WDPCP: variants seen among roughly 807,000 people sequenced by gnomAD.
WDPCP encodes WD repeat-containing and planar cell polarity effector protein fritz homolog.
Under a neutral mutation model 93.1 loss-of-function variants are expected in WDPCP, and 71 were observed. That is an observed-to-expected ratio of 0.76 (90% CI 0.63 to 0.93). The LOEUF (loss-of-function observed/expected upper bound fraction) is 0.93. Among genes scored for constraint, WDPCP ranks in the 40% least tolerant of loss-of-function variants. The probability of loss-of-function intolerance (pLI) is 0.00; values close to 1 mark genes in which losing one functional copy is unlikely to be tolerated. For synonymous variants in WDPCP, 315 were observed against 315.0 expected (o/e 1.00, Z 0.00); for missense variants, 844 against 887.4 (o/e 0.95, Z 0.62).
At position 63,420,115 on chromosome 2, in the gene WDPCP, C is replaced by T. The variant is rs189847109; in HGVS notation, c.825+13630G>A. Among the ~76,000 whole-genome samples the T allele has an allele frequency of 8.9e-4, 135 of 152,068 alleles. 3 individuals are homozygous for T. In the East Asian group the frequency reaches 0.023, roughly 26 times the overall value. On this transcript the variant is annotated intron_variant, in intron 9 of 17. Transcript: ENST00000272321. ...TATTTTTACTTTTTTAAAAGGTACA[C>T]TTTATTTTTACTTTTTTACCATGAT...
intron 2 of WDPCP, among the ~76,000 whole-genome samples, chr2:63,671,611 G>A (rs1358728403): frequency 2.0e-5 from 3 of 151,774 alleles, no homozygotes; most frequent in South Asian, 2.1e-4. Flanking sequence ...GCAGTGGTGC[G>A]ATCTCGGCTC....
intron 2 of WDPCP, among the ~76,000 whole-genome samples, chr2:63,759,067 C>T (rs1670015144): frequency 6.6e-6 from 1 of 151,928 alleles, no homozygotes; most frequent in South Asian, 2.1e-4. Context: ...AGTCGTGAGG[C>T]ACCATGCACG....
intron 3 of WDPCP, among the ~76,000 whole-genome samples, chr2:63,647,725 A>T (rs1710067405): frequency 1.3e-5 from 2 of 152,184 alleles, no homozygotes; most frequent in Admixed American, 6.5e-5. Context: ...ATATTGTACT[A>T]TATTTTTGCA....
intron 2 of WDPCP, among the ~76,000 whole-genome samples, chr2:63,713,951 TGTC>T (rs1379035116): frequency 1.3e-5 from 2 of 152,336 alleles, no homozygotes; most frequent in Non-Finnish European, 2.9e-5. Flanking sequence ...TTGTGGTTAT[TGTC>T]GTTGTTGTTG....
At chr2:63,550,170 A>G (rs189635925) in intron 1 of WDPCP, among the ~76,000 whole-genome samples, 1 of 149,698 alleles carries the variant, frequency 6.7e-6, no homozygotes, top group Admixed American at 6.8e-5. Context: ...AGCATTAACT[A>G]TATTTGTCTC....
intron 6 of WDPCP, among the ~76,000 whole-genome samples, chr2:63,471,217 T>A (rs1230436594): frequency 6.6e-6 from 1 of 152,260 alleles, no homozygotes; most frequent in Admixed American, 6.5e-5. Context: ...GCACATAGAA[T>A]ACTATCTGGC....
At chr2:63,409,188 C>T (rs568589795) in intron 9 of WDPCP, among the ~76,000 whole-genome samples, 8 of 152,300 alleles carry the variant, frequency 5.3e-5, no homozygotes, top group East Asian at 1.9e-4. Context: ...CTGGTATCCA[C>T]GGCTGAGAGA....
chr2:63,300,945 T>G (rs1255653813), intron 13 of WDPCP, among the ~76,000 whole-genome samples: 2 of 152,032 alleles, frequency 1.3e-5, no homozygotes, highest in East Asian at 3.9e-4. Flanking sequence ...GCATGTGGCA[T>G]TTCCAGGTCT....
chr2:63,411,288 G>A (rs554723240), intron 9 of WDPCP, among the ~76,000 whole-genome samples: 3 of 152,084 alleles, frequency 2.0e-5, no homozygotes, highest in African/African-American at 7.2e-5. Flanking sequence ...ATAAGCACTG[G>A]GTCAAAAACA....
At chr2:63,565,734 T>C (rs533952174) in intron 1 of WDPCP, among the ~76,000 whole-genome samples, 1 of 152,308 alleles carries the variant, frequency 6.6e-6, no homozygotes, top group South Asian at 2.1e-4. Flanking sequence ...TATTATAGGT[T>C]ATATAACTAA....
chr2:63,692,767 TCTCAA>T (rs1433177378), intron 2 of WDPCP, among the ~76,000 whole-genome samples: 1 of 152,224 alleles, frequency 6.6e-6, no homozygotes, highest in East Asian at 1.9e-4. Context: ...ATGGCTTATA[TCTCAA>T]ACAGATATAC....
intron 10 of WDPCP, among the ~76,000 whole-genome samples, chr2:63,388,734 G>A (rs987545870): frequency 6.6e-6 from 1 of 152,084 alleles, no homozygotes; most frequent in Non-Finnish European, 1.5e-5. Context: ...ACCATGGCAC[G>A]AGAACTTTGT....
intron 14 of WDPCP, among the ~76,000 whole-genome samples, chr2:63,218,642 C>G (rs2030387): frequency 0.9 from 136,194 of 152,132 alleles, 61,115 homozygotes; most frequent in South Asian, 0.94. Context: ...CGATTCTCCT[C>G]CATCAGCCTC....
intron 13 of WDPCP, among the ~76,000 whole-genome samples, chr2:63,297,686 A>C (rs907611001): frequency 6.6e-6 from 1 of 152,182 alleles, no homozygotes; most frequent in Non-Finnish European, 1.5e-5. Flanking sequence ...GAGATTCTAT[A>C]GTGTTATTAT....
intron 14 of WDPCP, among the ~76,000 whole-genome samples, chr2:63,254,671 G>A (rs1680994922): frequency 6.6e-6 from 1 of 152,026 alleles, no homozygotes; most frequent in Non-Finnish European, 1.5e-5. Context: ...CATTAATACA[G>A]TCAAGATTAA....
At chr2:63,219,399 C>T (rs141922136) in intron 14 of WDPCP, among the ~76,000 whole-genome samples, 6 of 152,214 alleles carry the variant, frequency 3.9e-5, no homozygotes, top group African/African-American at 1.2e-4. Flanking sequence ...ATAAGTAAAA[C>T]CACATTTTAT....
the WDPCP span, among the ~76,000 whole-genome samples, chr2:63,837,255 T>A: frequency 6.6e-5 from 10 of 152,348 alleles, no homozygotes; most frequent in South Asian, 2.1e-3. Context: ...TATAATTTGA[T>A]ATCTTTTTCC....
chr2:63,691,361 G>A (rs1668885464), intron 2 of WDPCP, among the ~76,000 whole-genome samples: 1 of 152,310 alleles, frequency 6.6e-6, no homozygotes, highest in African/African-American at 2.4e-5. Context: ...TAGGCTGGGC[G>A]CAGTGGCTCA....
chr2:63,228,173 C>A (rs1231453657), intron 14 of WDPCP, among the ~76,000 whole-genome samples: 2 of 152,040 alleles, frequency 1.3e-5, no homozygotes, highest in East Asian at 3.9e-4. Context: ...TACATCAGAT[C>A]ACTGCCAATT....
Sources: allele counts gnomAD v4.1 joint callset (sites outside exome capture counted in the v4.1 genomes callset), GRCh38; gene constraint gnomAD v4.1.1; transcripts MANE v1.5; gene names NCBI Gene and HGNC (gene_info 2026-07-23, HGNC 2026-07-21).